PRKCQ: variants seen among roughly 807,000 people sequenced by gnomAD.
PRKCQ encodes protein kinase C theta type.
PRKCQ carries 41 observed loss-of-function variants against 91.2 expected under a neutral mutation model. The observed-to-expected ratio is 0.45, with a 90% CI of 0.35 to 0.58. The LOEUF is 0.58. Among genes scored for constraint, PRKCQ ranks in the 20% least tolerant of loss-of-function variants. The pLI is 0.00. For missense variants in PRKCQ, 673 were observed against 896.5 expected (o/e 0.75, Z 3.18); for synonymous variants, 307 against 316.9 (o/e 0.97, Z 0.33).
At chr10:6,571,813 CA>C (rs575665985) in intron 1 of PRKCQ, among the ~76,000 whole-genome samples, 97 of 152,138 alleles carry the variant, frequency 6.4e-4, no homozygotes, top group African/African-American at 2.3e-3. Context: ...CAAAAACAAA[CA>C]AACAAACAAA....
intron 1 of PRKCQ, among the ~76,000 whole-genome samples, chr10:6,571,825 C>A (rs1352250023): frequency 1.3e-5 from 2 of 151,998 alleles, no homozygotes; most frequent in East Asian, 3.9e-4. Context: ...AACAAACAAA[C>A]CAACAAACAA....
intron 4 of PRKCQ, among the ~76,000 whole-genome samples, chr10:6,502,580 T>C (rs1837976690): frequency 6.6e-6 from 1 of 152,156 alleles, no homozygotes; most frequent in Non-Finnish European, 1.5e-5. Context: ...AACACTGCAG[T>C]AGGGGCAGAG....
the PRKCQ span, among the ~76,000 whole-genome samples, chr10:6,402,900 ACT>A: frequency 1.3e-5 from 2 of 152,140 alleles, no homozygotes; most frequent in East Asian, 1.9e-4. Context: ...ACAGAATGAG[ACT>A]CTGTCTCAAA....
In PRKCQ at chr10:6,434,173, T is replaced by C. The variant is rs111509209; in HGVS notation, c.1837-3235A>G. On this transcript the variant is annotated intron_variant, in intron 16 of 17. Coordinates refer to ENST00000263125, the MANE Select transcript of PRKCQ (RefSeq NM_006257.5). The stretch of plus-strand genomic sequence containing the variant: ...ATGAAACGAGATTAGATAGATGGCG[T>C]AAGTGTCTCAGGAAGGGGCCAAAAC... Among the ~76,000 whole-genome samples the C allele has an allele frequency of 6.9e-3, 1,050 of 152,112 alleles. 15 individuals are homozygous for C. Among genetic ancestry groups the C allele is most frequent in the African/African-American group, 0.024 (1,006 of 41,496 alleles).
downstream of PRKCQ, among the ~76,000 whole-genome samples, chr10:6,424,391 G>A (rs562552896): frequency 1.5e-4 from 23 of 152,278 alleles, 1 homozygote; most frequent in Admixed American, 9.2e-4. Flanking sequence ...GGGAAGGCAC[G>A]TGGTCAGCGT....
At chr10:6,575,236 C>T (rs990760356) in intron 1 of PRKCQ, among the ~76,000 whole-genome samples, 2 of 152,168 alleles carry the variant, frequency 1.3e-5, no homozygotes, top group Non-Finnish European at 2.9e-5. Context: ...TTTTGCAGCA[C>T]GGTGTGTGAT....
chr10:6,418,176 T>A, the PRKCQ span, among the ~76,000 whole-genome samples: 1 of 152,240 alleles, frequency 6.6e-6, no homozygotes, highest in African/African-American at 2.4e-5. Context: ...TTTTAAAATA[T>A]CACCTGTGAA....
At chr10:6,447,987 G>C (rs952839744) in intron 15 of PRKCQ, among the ~76,000 whole-genome samples, 1 of 152,216 alleles carries the variant, frequency 6.6e-6, no homozygotes, top group African/African-American at 2.4e-5. Flanking sequence ...TGAGGTGAAA[G>C]AAAACTTCAC....
chr10:6,449,324 A>C (rs1222906808), intron 15 of PRKCQ, among the ~76,000 whole-genome samples: 2 of 152,040 alleles, frequency 1.3e-5, no homozygotes, highest in South Asian at 2.1e-4. Context: ...ACTGGAAGAA[A>C]GAGTATCAGT....
chr10:6,409,921 T>A, the PRKCQ span, among the ~76,000 whole-genome samples: 2 of 152,256 alleles, frequency 1.3e-5, no homozygotes, highest in African/African-American at 2.4e-5. Context: ...TAGTTCATTA[T>A]GCCTTGGTGA....
chr10:6,404,258 GAGA>G, the PRKCQ span, among the ~76,000 whole-genome samples: 127 of 118,696 alleles, frequency 1.1e-3, 1 homozygote, highest in South Asian at 5.5e-3. Flanking sequence ...GGGGGGGGGA[GAGA>G]GAGAGAGAGA....
chr10:6,535,339 G>A (rs1839540971), intron 1 of PRKCQ, among the ~76,000 whole-genome samples: 1 of 152,146 alleles, frequency 6.6e-6, no homozygotes, highest in Admixed American at 6.5e-5. Flanking sequence ...TCCTCATAAT[G>A]GGAGATTCCC....
chr10:6,426,751 A>G (rs1207805602), downstream of PRKCQ, among the ~76,000 whole-genome samples: 1 of 152,204 alleles, frequency 6.6e-6, no homozygotes, highest in Non-Finnish European at 1.5e-5. Context: ...CCATGTGATG[A>G]GGTAGGCTAG....
intron 3 of PRKCQ, among the ~76,000 whole-genome samples, chr10:6,508,116 G>A (rs190318977): frequency 6.6e-6 from 1 of 152,178 alleles, no homozygotes; most frequent in Non-Finnish European, 1.5e-5. Flanking sequence ...ACATACTTCA[G>A]TACTGTATTA....
In PRKCQ at chr10:6,519,597, C is replaced by A. The variant is rs183620882; in HGVS notation, c.-9-4453G>T. On this transcript the variant is annotated intron_variant, in intron 1 of 17. Transcript: ENST00000263125. ...ACAGGGAACCAGGCTTCCAGGCATTCTTTCCCGATAAGCAAATGCAGACCC... is the reference window on the plus strand; with the variant it reads ...ACAGGGAACCAGGCTTCCAGGCATTATTTCCCGATAAGCAAATGCAGACCC... Among the ~76,000 whole-genome samples, 305 of 152,274 alleles carry A rather than the reference C, an allele frequency of 2.0e-3. 1 individual carries two copies. The highest frequency in any genetic ancestry group is 4.1e-3 in the Admixed American group (63 of 15,296).
At chr10:6,579,685 C>T (rs2130994388) in intron 1 of PRKCQ, among the ~76,000 whole-genome samples, 1 of 150,858 alleles carries the variant, frequency 6.6e-6, no homozygotes, top group South Asian at 2.1e-4. Context: ...CAAAGACCTG[C>T]CTCCCCCTCC....
At chr10:6,455,984 G>T (rs188274023) in intron 15 of PRKCQ, among the ~76,000 whole-genome samples, 40 of 152,330 alleles carry the variant, frequency 2.6e-4, no homozygotes, top group African/African-American at 9.6e-4. Flanking sequence ...GCTGTGCCAT[G>T]GGAAAGACCA....
Position 6,497,242 on chromosome 10 carries a change from G to T in PRKCQ, c.552C>A (p.Asn184Lys), listed in dbSNP as rs1229518732. 1 of 1,614,026 alleles carries T rather than the reference G, an allele frequency of 6.2e-7. No homozygotes were observed. The highest frequency in any genetic ancestry group is 1.3e-5 in the African/African-American group (1 of 74,912). Residue 184 changes from asparagine (N) to lysine (K), a missense_variant, in exon 6 of 18, where the codon AAC becomes AAA. Asn to Lys is a moderately conservative substitution (Grantham distance 94). Transcript: ENST00000263125. The surrounding 1 kb of genome is among the most constrained non-coding windows in gnomAD (Gnocchi z 4.5). Reference sequence around the variant, plus strand: ...TACGTCGGCACTGGTAGCCCTGTTTGTTCAGGCCCCTGTAATAAAGCACAC... The same window carrying T: ...TACGTCGGCACTGGTAGCCCTGTTTTTTCAGGCCCCTGTAATAAAGCACAC... The part of the protein sequence containing the change: ...SVCHEFVWGL[N>K]KQGYQCRQCN...
At chr10:6,404,255 GGAGAGAGA>G in the PRKCQ span, among the ~76,000 whole-genome samples, 1 of 34,360 alleles carries the variant, frequency 2.9e-5, no homozygotes, top group Non-Finnish European at 6.1e-5. Flanking sequence ...GAAGGGGGGG[GGAGAGAGA>G]GAGAGAGAGA....
Sources: gnomAD v4.1 joint callset for allele counts (sites outside exome capture counted in the v4.1 genomes callset) on GRCh38, gnomAD v4.1.1 for gene constraint, Gnocchi (gnomAD v3.1) non-coding constraint, MANE v1.5 for transcripts, NCBI Gene and HGNC (gene_info 2026-07-23, HGNC 2026-07-21) for gene names.